The following RAD51B variants were observed in gnomAD, a reference collection of about 807,000 sequenced individuals.
The protein encoded by RAD51B is RAD51 paralog B, also known as DNA repair protein RAD51 homolog 2.
A neutral mutation model predicts 42.2 loss-of-function variants in RAD51B; 38 were observed. The ratio of observed to expected loss-of-function variants is 0.90; its 90% confidence interval spans 0.70 to 1.18. The LOEUF (loss-of-function observed/expected upper bound fraction) is 1.18, where lower values mean the gene tolerates loss of function less well. RAD51B is among the 50% of genes most tolerant of loss of function. The probability of loss-of-function intolerance (pLI) is 0.00; values close to 1 mark genes in which losing one functional copy is unlikely to be tolerated. For synonymous variants in RAD51B, 154 were observed against 145.2 expected (o/e 1.06, Z -0.43); for missense variants, 373 against 400.7 (o/e 0.93, Z 0.59).
At chr14:68,264,089 C>T (rs549926595) in intron 7 of RAD51B, among the ~76,000 whole-genome samples, 1 of 152,302 alleles carries the variant, frequency 6.6e-6, no homozygotes, top group East Asian at 1.9e-4. Context: ...AATCTATGGT[C>T]CTTCCTTCCT....
chr14:67,825,321 A>G (rs1401690978), intron 2 of RAD51B, 143 bp from the exon 3 acceptor site: 3 of 547,304 alleles, frequency 5.5e-6, no homozygotes, highest in African/African-American at 3.9e-5. Flanking sequence ...TATGGGGAAA[A>G]TACTACAATG....
At chr14:68,679,680 C>T (rs1354173279) in intron 11 of RAD51B, among the ~76,000 whole-genome samples, 1 of 152,216 alleles carries the variant, frequency 6.6e-6, no homozygotes, top group Non-Finnish European at 1.5e-5. Flanking sequence ...TTCAGCATAT[C>T]TGGTTTATTT....
intron 7 of RAD51B, among the ~76,000 whole-genome samples, chr14:68,194,481 G>A (rs2079329615): frequency 6.6e-6 from 1 of 152,160 alleles, no homozygotes; most frequent in South Asian, 2.1e-4. Context: ...GTTAGTTAGG[G>A]AGTAATAAAA....
chr14:68,578,394 A>T (rs1890060874), intron 10 of RAD51B, among the ~76,000 whole-genome samples: 1 of 152,192 alleles, frequency 6.6e-6, no homozygotes. Context: ...TTGGGCAACA[A>T]GAGGGAAACT....
At chr14:68,108,303 C>T (rs958907131) in intron 7 of RAD51B, among the ~76,000 whole-genome samples, 3 of 151,738 alleles carry the variant, frequency 2.0e-5, no homozygotes, top group Admixed American at 2.0e-4. Context: ...TATGTTTACA[C>T]AAAACTTTGT....
chr14:68,094,371 A>G (rs2077155380), intron 7 of RAD51B, among the ~76,000 whole-genome samples: 1 of 152,238 alleles, frequency 6.6e-6, no homozygotes, highest in African/African-American at 2.4e-5. Flanking sequence ...ACTCTCAAAT[A>G]CAGTGTGATA....
chr14:68,434,416 TG>T (rs1370039728), intron 9 of RAD51B, among the ~76,000 whole-genome samples: 1 of 152,180 alleles, frequency 6.6e-6, no homozygotes, highest in Non-Finnish European at 1.5e-5. Context: ...CCCGCCACTT[TG>T]TTTACCTATT....
intron 7 of RAD51B, among the ~76,000 whole-genome samples, chr14:67,968,510 C>T (rs1446257901): frequency 6.6e-6 from 1 of 152,148 alleles, no homozygotes; most frequent in Non-Finnish European, 1.5e-5. Context: ...TTTCTTCTAC[C>T]AGATACCCTC....
At chr14:68,092,051 G>A (rs965947630) in intron 7 of RAD51B, among the ~76,000 whole-genome samples, 6 of 150,892 alleles carry the variant, frequency 4.0e-5, no homozygotes, top group African/African-American at 7.4e-5. Flanking sequence ...CTGTTCCATC[G>A]GTCTATATCT....
At chr14:67,918,109 CAA>C (rs2044213831) in intron 7 of RAD51B, among the ~76,000 whole-genome samples, 2 of 151,228 alleles carry the variant, frequency 1.3e-5, no homozygotes, top group African/African-American at 4.9e-5. Context: ...ATATAAAAGC[CAA>C]AGAGATGTAA....
chr14:68,475,425 C>T (rs975193126), intron 10 of RAD51B, among the ~76,000 whole-genome samples: 1 of 152,148 alleles, frequency 6.6e-6, no homozygotes, highest in African/African-American at 2.4e-5. Context: ...CATCAGGACC[C>T]TCTTTGGTTC....
chr14:67,959,801 C>T (rs539168849), intron 7 of RAD51B, among the ~76,000 whole-genome samples: 4 of 152,120 alleles, frequency 2.6e-5, no homozygotes, highest in South Asian at 4.2e-4. Context: ...GAAATATGAC[C>T]GGGTGCAGTG....
At chr14:68,388,925 T>A (rs1243102664) in intron 8 of RAD51B, among the ~76,000 whole-genome samples, 1 of 152,218 alleles carries the variant, frequency 6.6e-6, no homozygotes, top group Admixed American at 6.5e-5. Flanking sequence ...ATGTTGTTAT[T>A]CACAAGTCGG....
intron 6 of RAD51B, 117 bp downstream of exon 6, chr14:67,886,105 T>A: frequency 1.3e-6 from 1 of 798,772 alleles, no homozygotes; most frequent in East Asian, 2.9e-5. Context: ...GTGGAGTAAC[T>A]TTTTCAGTGT....
At chr14:67,863,964 GGA>G (rs1448749169) in intron 4 of RAD51B, among the ~76,000 whole-genome samples, 1 of 151,746 alleles carries the variant, frequency 6.6e-6, no homozygotes, top group Non-Finnish European at 1.5e-5. Flanking sequence ...TGGCAGAACA[GGA>G]GAGAGAGAGA....
intron 10 of RAD51B, among the ~76,000 whole-genome samples, chr14:68,630,159 C>T (rs1320286597): frequency 1.6e-5 from 2 of 121,330 alleles, no homozygotes; most frequent in South Asian, 3.1e-4. Flanking sequence ...CTAGGAATGC[C>T]GAGTTTGCCA....
chr14:68,619,230 T>C (rs1891891050), intron 10 of RAD51B, among the ~76,000 whole-genome samples: 1 of 152,138 alleles, frequency 6.6e-6, no homozygotes, highest in Non-Finnish European at 1.5e-5. Flanking sequence ...ATCCCAGCAC[T>C]TTGGGAGGCT....
At chr14:68,197,960 T>TCTC (rs111889594) in intron 7 of RAD51B, among the ~76,000 whole-genome samples, 4,336 of 152,242 alleles carry the variant, frequency 0.028, 235 homozygotes, top group African/African-American at 0.1. Flanking sequence ...ACTGGTGTCT[T>TCTC]TATTGAGCAA....
At chr14:67,981,438 T>G (rs1486331733) in intron 7 of RAD51B, among the ~76,000 whole-genome samples, 1 of 152,230 alleles carries the variant, frequency 6.6e-6, no homozygotes, top group Non-Finnish European at 1.5e-5. Flanking sequence ...CCCACCGTAC[T>G]CTTCAGCCAT....
Sources: allele counts gnomAD v4.1 joint callset (sites outside exome capture counted in the v4.1 genomes callset), GRCh38; gene constraint gnomAD v4.1.1; transcripts MANE v1.5; gene names NCBI Gene and HGNC (gene_info 2026-07-23, HGNC 2026-07-21).